Variants in PARD3B observed in about 807,000 individuals in gnomAD.
The protein encoded by PARD3B is par-3 family cell polarity regulator beta, also known as partitioning defective 3 homolog B.
A neutral mutation model predicts 130.2 loss-of-function variants in PARD3B; 103 were observed. The observed-to-expected ratio is 0.79, with a 90% CI of 0.67 to 0.93. PARD3B has a LOEUF of 0.93. Among genes scored for constraint, PARD3B ranks in the 40% least tolerant of loss-of-function variants. The pLI, the probability that PARD3B is intolerant of heterozygous loss-of-function variation, is 0.00. For synonymous variants in PARD3B, 583 were observed against 553.2 expected (o/e 1.05, Z -0.76); for missense variants, 1,609 against 1,499.2 (o/e 1.07, Z -1.21).
chr2:204,895,652 C>CA (rs1282148095), intron 2 of PARD3B, among the ~76,000 whole-genome samples: 3 of 151,864 alleles, frequency 2.0e-5, no homozygotes, highest in Admixed American at 6.6e-5. Flanking sequence ...GCTCCCCCGC[C>CA]AAAAAAAGAA....
Position 204,907,019 on chromosome 2 carries a change from C to T in PARD3B, c.223-58133C>T, listed in dbSNP as rs1008007289. Among the ~76,000 whole-genome samples, 15 of 151,776 alleles carry T rather than the reference C, an allele frequency of 9.9e-5. No individual in the cohort carries two copies. Among genetic ancestry groups the T allele is most frequent in the East Asian group, 7.7e-4 (4 of 5,172 alleles). On this transcript the variant is annotated intron_variant, in intron 2 of 22. Transcript: ENST00000406610. The surrounding 1 kb of genome is among the most constrained non-coding windows in gnomAD (Gnocchi z 5.7). ...CTTTTCAGACTGAGTCTTGCTCTGTCGCCCAGGCTGGAGTTCAGTGGCACG... is the reference window on the plus strand; with the variant it reads ...CTTTTCAGACTGAGTCTTGCTCTGTTGCCCAGGCTGGAGTTCAGTGGCACG...
In PARD3B at chr2:205,091,321, A is replaced by C. The variant is rs1702091152; in HGVS notation, c.505-13105A>C. ...TAATTCATAATTTTGCCGTGGCACA[A>C]ACTGCATCATTTACACTGGGAGGTT... On this transcript the variant is annotated intron_variant, in intron 4 of 22. Transcript: ENST00000406610. This position sits in a 1 kb window ranked among gnomAD's most constrained non-coding sequence, Gnocchi z 4.2. 6.6e-6 allele frequency among the ~76,000 whole-genome samples: 1 copy of C among 152,154 alleles called. No homozygotes were observed. Among genetic ancestry groups the C allele is most frequent in the Non-Finnish European group, 1.5e-5 (1 of 68,028 alleles).
chr2:205,360,180 G>A (rs11676518), intron 18 of PARD3B, among the ~76,000 whole-genome samples: 1 of 151,640 alleles, frequency 6.6e-6, no homozygotes, highest in African/African-American at 2.4e-5. Flanking sequence ...GTTTTATATG[G>A]TTGTTAATTC....
intron 20 of PARD3B, among the ~76,000 whole-genome samples, chr2:205,486,289 T>C (rs2049439144): frequency 6.6e-6 from 1 of 152,210 alleles, no homozygotes; most frequent in Admixed American, 6.5e-5. Flanking sequence ...AGCTGTCTGC[T>C]ATTCTGTACA....
chr2:204,970,657 T>G (rs1691625172), intron 3 of PARD3B, among the ~76,000 whole-genome samples: 1 of 152,234 alleles, frequency 6.6e-6, no homozygotes, highest in African/African-American at 2.4e-5. Flanking sequence ...GATTGAAATT[T>G]GCTAATTTGG....
At chr2:205,481,658 A>G (rs1015306590) in intron 20 of PARD3B, among the ~76,000 whole-genome samples, 1 of 152,210 alleles carries the variant, frequency 6.6e-6, no homozygotes, top group Non-Finnish European at 1.5e-5. Context: ...AATTGCTTTA[A>G]ATAAAAACTC....
At chr2:204,946,710 T>C (rs1689355562) in intron 2 of PARD3B, among the ~76,000 whole-genome samples, 1 of 152,126 alleles carries the variant, frequency 6.6e-6, no homozygotes, top group Admixed American at 6.6e-5. Context: ...CTCACATGAT[T>C]AGGGAAATGG....
chr2:204,730,146 C>T (rs1013629236), intron 2 of PARD3B, among the ~76,000 whole-genome samples: 1 of 152,100 alleles, frequency 6.6e-6, no homozygotes, highest in African/African-American at 2.4e-5. Flanking sequence ...ACAATCTTGG[C>T]TCACTGCAAC....
At chr2:205,580,498 C>T (rs377702488) in intron 22 of PARD3B, among the ~76,000 whole-genome samples, 22 of 152,196 alleles carry the variant, frequency 1.4e-4, no homozygotes, top group East Asian at 1.2e-3. Flanking sequence ...TGTCCATGAC[C>T]GGAGGGTGGG....
Position 205,116,237 on chromosome 2 carries a change from C to T in PARD3B, c.680+2660C>T, listed in dbSNP as rs1275919568. Among the ~76,000 whole-genome samples, 1 of 152,100 alleles carries T rather than the reference C, an allele frequency of 6.6e-6. No individual in the cohort carries two copies. Among genetic ancestry groups the T allele is most frequent in the Non-Finnish European group, 1.5e-5 (1 of 68,030 alleles). On this transcript the variant is annotated intron_variant, in intron 6 of 22. Coordinates refer to ENST00000406610, the MANE Select transcript of PARD3B (RefSeq NM_001302769.2). The surrounding 1 kb of genome is among the most constrained non-coding windows in gnomAD (Gnocchi z 4.5). The stretch of plus-strand genomic sequence containing the variant: ...TTTTTGTGAATTAAAAACATGAAAT[C>T]TAATTCGTTTCAGTACAGATGCATA...
intron 2 of PARD3B, among the ~76,000 whole-genome samples, chr2:204,959,669 G>A: frequency 6.6e-6 from 1 of 152,176 alleles, no homozygotes; most frequent in Non-Finnish European, 1.5e-5. Flanking sequence ...AAAGGAATGA[G>A]AAAAATATGG....
At position 204,998,382 on chromosome 2, in the gene PARD3B, GTGTGTGTATATATGTATA is replaced by G. The variant is rs1559341620; in HGVS notation, c.394+33061_394+33078del. 6.5e-3 allele frequency among the ~76,000 whole-genome samples: 610 copies of G among 93,952 alleles called. 28 individuals are homozygous for G. The highest frequency in any genetic ancestry group is 8.7e-3 in the Non-Finnish European group (387 of 44,622). The allele number at this position is 93,952 out of a possible 152,430, so 61.6% of individuals were successfully genotyped here. A position where few individuals can be genotyped will look rare whatever the true frequency, so the allele number is the denominator to read the frequency against. ...TATGTGTGTGTGTGTGTGTATATAT[GTGTGTGTATATATGTATA>G]TATGTGTATATATATGTATATATGT... On this transcript the variant is annotated intron_variant, in intron 3 of 22. Coordinates refer to ENST00000406610, the MANE Select transcript of PARD3B (RefSeq NM_001302769.2).
intron 22 of PARD3B, among the ~76,000 whole-genome samples, chr2:205,595,613 A>G (rs191468661): frequency 3.9e-5 from 6 of 152,348 alleles, no homozygotes; most frequent in Admixed American, 3.9e-4. Context: ...ACATTGGTAT[A>G]TAAACCAACA....
At chr2:205,018,721 G>GAAAAA (rs1296390206) in intron 3 of PARD3B, among the ~76,000 whole-genome samples, 2 of 3,234 alleles carry the variant, frequency 6.2e-4, no homozygotes, top group Non-Finnish European at 1.1e-3. Context: ...AGCAGTATAA[G>GAAAAA]CAAAAAAAAA....
At chr2:204,809,018 T>A (rs565098198) in intron 2 of PARD3B, among the ~76,000 whole-genome samples, 4 of 152,196 alleles carry the variant, frequency 2.6e-5, no homozygotes, top group Non-Finnish European at 4.4e-5. Flanking sequence ...TTTGCATTTC[T>A]CTAATGATGA....
chr2:205,343,840 C>G (rs1334619063), intron 18 of PARD3B, among the ~76,000 whole-genome samples: 2 of 152,000 alleles, frequency 1.3e-5, no homozygotes, highest in African/African-American at 4.8e-5. Flanking sequence ...CCACCCTCAC[C>G]CCCTATGCCT....
chr2:204,810,538 A>T (rs181112356), intron 2 of PARD3B, among the ~76,000 whole-genome samples: 1 of 152,176 alleles, frequency 6.6e-6, no homozygotes, highest in Admixed American at 6.5e-5. Context: ...TGTGATAATC[A>T]TGTAGTTTTC....
intron 2 of PARD3B, among the ~76,000 whole-genome samples, chr2:204,763,595 A>G (rs1324662261): frequency 2.0e-5 from 3 of 152,262 alleles, no homozygotes; most frequent in Non-Finnish European, 4.4e-5. Context: ...AACTTATTCC[A>G]TAGAGGAGAT....
intron 18 of PARD3B, among the ~76,000 whole-genome samples, chr2:205,355,263 G>C (rs1305277890): frequency 6.6e-6 from 1 of 152,094 alleles, no homozygotes; most frequent in Non-Finnish European, 1.5e-5. Context: ...ATGAGGCTTT[G>C]CCAAATTTTT....
Sources: gnomAD v4.1 joint callset for allele counts (sites outside exome capture counted in the v4.1 genomes callset) on GRCh38, gnomAD v4.1.1 for gene constraint, Gnocchi (gnomAD v3.1) non-coding constraint, MANE v1.5 for transcripts, NCBI Gene and HGNC (gene_info 2026-07-23, HGNC 2026-07-21) for gene names.